SLC35F4: variants seen among roughly 807,000 people sequenced by gnomAD.
SLC35F4 encodes the protein solute carrier family 35 member F4.
In SLC35F4, 24 loss-of-function variants were observed where a neutral mutation model predicts 44.2. That is an observed-to-expected ratio of 0.54 (90% CI 0.39 to 0.76). SLC35F4 has a LOEUF of 0.76. Ranked by LOEUF, SLC35F4 falls within the 30% of genes least tolerant of loss-of-function variation. SLC35F4 has a pLI of 0.00. For synonymous variants in SLC35F4, 238 were observed against 223.6 expected (o/e 1.06, Z -0.57); for missense variants, 562 against 586.1 (o/e 0.96, Z 0.42).
At chr14:57,590,466 C>T (rs2070104418) in intron 2 of SLC35F4, among the ~76,000 whole-genome samples, 1 of 152,152 alleles carries the variant, frequency 6.6e-6, no homozygotes, top group Admixed American at 6.5e-5. Context: ...ACTACACAGT[C>T]ATTTCCCACC....
rs2075080469 is a variant in SLC35F4, at chr14:57,686,792, A to C, written c.104-92668T>G. 3.3e-5 allele frequency among the ~76,000 whole-genome samples: 5 copies of C among 152,252 alleles called. No homozygotes were observed. The South Asian group carries it at 1.0e-3, about 32-fold the overall frequency. On this transcript the variant is annotated intron_variant, in intron 1 of 7. Transcript: ENST00000556826. The stretch of plus-strand genomic sequence containing the variant: ...AACATAATTTTTAAAGGATTGTGAA[A>C]GTCTTTATTAATTATATTTTTAGAT...
intron 1 of SLC35F4, among the ~76,000 whole-genome samples, chr14:57,633,550 C>T (rs2072884446): frequency 6.6e-6 from 1 of 152,070 alleles, no homozygotes; most frequent in African/African-American, 2.4e-5. Flanking sequence ...ATAAAAGTTG[C>T]ACAACTTGTA....
intron 1 of SLC35F4, among the ~76,000 whole-genome samples, chr14:57,961,931 T>C (rs890233988): frequency 2.0e-5 from 3 of 152,230 alleles, no homozygotes; most frequent in Non-Finnish European, 4.4e-5. Context: ...GTTTTACAAA[T>C]GCCTCCCTCT....
chr14:57,643,426 G>A (rs1006645862), intron 1 of SLC35F4, among the ~76,000 whole-genome samples: 2 of 151,822 alleles, frequency 1.3e-5, no homozygotes. Flanking sequence ...ACATAATAAT[G>A]GCCCTGATTT....
At chr14:57,920,895 T>C (rs945304329) in intron 1 of SLC35F4, among the ~76,000 whole-genome samples, 2 of 152,314 alleles carry the variant, frequency 1.3e-5, no homozygotes, top group Non-Finnish European at 2.9e-5. Context: ...TTACATCAAA[T>C]GTATAGATTA....
intron 1 of SLC35F4, among the ~76,000 whole-genome samples, chr14:57,887,224 G>A (rs748709289): frequency 2.6e-5 from 4 of 152,198 alleles, no homozygotes; most frequent in Non-Finnish European, 4.4e-5. Flanking sequence ...AAGAGAGATG[G>A]TTAAGGGCAA....
intron 1 of SLC35F4, among the ~76,000 whole-genome samples, chr14:57,767,862 G>C (rs1449189351): frequency 6.6e-6 from 1 of 152,048 alleles, no homozygotes; most frequent in Non-Finnish European, 1.5e-5. Context: ...TAAAAGAATA[G>C]TAAGGGAATC....
intron 1 of SLC35F4, among the ~76,000 whole-genome samples, chr14:57,967,360 G>A (rs879894415): frequency 8.5e-5 from 13 of 152,252 alleles, no homozygotes; most frequent in East Asian, 3.9e-4. Flanking sequence ...AGAGGTAAGC[G>A]CTGATTGCAG....
At position 57,568,610 on chromosome 14, in the gene SLC35F4, C is replaced by G. The variant is rs185100832; in HGVS notation, c.1126+1178G>C. Among the ~76,000 whole-genome samples, 223 of 152,194 alleles carry G rather than the reference C, an allele frequency of 1.5e-3. 3 individuals are homozygous for G. In the South Asian group the frequency reaches 0.022, roughly 15 times the overall value. On this transcript the variant is annotated intron_variant, in intron 6 of 7. Coordinates refer to ENST00000556826, the MANE Select transcript of SLC35F4 (RefSeq NM_001306087.2). ...GATCCTTCTCTTGAGTGTTTTCTGT[C>G]GAAGACCTCCCTGAGTCTGAGGGGC...
chr14:57,648,301 T>C (rs1364694837), intron 1 of SLC35F4, among the ~76,000 whole-genome samples: 1 of 152,180 alleles, frequency 6.6e-6, no homozygotes, highest in Non-Finnish European at 1.5e-5. Flanking sequence ...ATTTGGGCAT[T>C]TAACTGTTCA....
At chr14:57,636,697 T>C (rs758440006) in intron 1 of SLC35F4, among the ~76,000 whole-genome samples, 6 of 152,104 alleles carry the variant, frequency 3.9e-5, no homozygotes, top group Non-Finnish European at 8.8e-5. Flanking sequence ...TGCAGTCTAC[T>C]GATATTTTTG....
intron 4 of SLC35F4, among the ~76,000 whole-genome samples, chr14:57,575,030 A>G (rs2068709312): frequency 6.6e-6 from 1 of 152,148 alleles, no homozygotes; most frequent in African/African-American, 2.4e-5. Context: ...GACAACCACT[A>G]AAGTGCTCCT....
intron 1 of SLC35F4, among the ~76,000 whole-genome samples, chr14:57,720,030 C>G (rs2076045666): frequency 6.6e-6 from 1 of 152,042 alleles, no homozygotes; most frequent in South Asian, 2.1e-4. Context: ...ATATGTTAAA[C>G]TTTTTCAAAT....
At chr14:57,688,604 C>T (rs994925842) in intron 1 of SLC35F4, among the ~76,000 whole-genome samples, 7 of 152,144 alleles carry the variant, frequency 4.6e-5, no homozygotes, top group Admixed American at 2.6e-4. Context: ...CGCATCTCCA[C>T]GGTATGTTTT....
At chr14:57,664,562 C>T (rs1402744977) in intron 1 of SLC35F4, among the ~76,000 whole-genome samples, 1 of 152,142 alleles carries the variant, frequency 6.6e-6, no homozygotes, top group African/African-American at 2.4e-5. Flanking sequence ...GCACACACCA[C>T]AATGCCCGGC....
intron 1 of SLC35F4, among the ~76,000 whole-genome samples, chr14:57,699,128 T>C (rs1252065093): frequency 6.6e-6 from 1 of 152,170 alleles, no homozygotes; most frequent in Non-Finnish European, 1.5e-5. Context: ...TTTTATGAAA[T>C]GAAAATGTTT....
intron 1 of SLC35F4, among the ~76,000 whole-genome samples, chr14:57,829,085 T>G (rs914849093): frequency 6.6e-6 from 1 of 152,220 alleles, no homozygotes; most frequent in African/African-American, 2.4e-5. Flanking sequence ...ATTGCAGTTT[T>G]ATTGAATCAG....
chr14:57,951,003 G>A (rs1277469969), intron 1 of SLC35F4, among the ~76,000 whole-genome samples: 1 of 152,138 alleles, frequency 6.6e-6, no homozygotes, highest in Non-Finnish European at 1.5e-5. Context: ...TGAATTTGGG[G>A]TGGCTGGCAA....
intron 1 of SLC35F4, among the ~76,000 whole-genome samples, chr14:57,700,358 A>AAGGAAGTTTAC (rs71104580): frequency 0.47 from 71,302 of 151,496 alleles, 17,432 homozygotes; most frequent in African/African-American, 0.62. Flanking sequence ...GGAAGTTTAC[A>AAGGAAGTTTAC]AGGAAGTTTA....
Sources: gnomAD v4.1 joint callset for allele counts (sites outside exome capture counted in the v4.1 genomes callset) on GRCh38, gnomAD v4.1.1 for gene constraint, MANE v1.5 for transcripts, NCBI Gene and HGNC (gene_info 2026-07-23, HGNC 2026-07-21) for gene names.